CSMD3: variants seen among roughly 807,000 people sequenced by gnomAD.
CSMD3 encodes the protein CUB and Sushi multiple domains 3.
In CSMD3, 177 loss-of-function variants were observed where a neutral mutation model predicts 435.2. The ratio of observed to expected loss-of-function variants is 0.41; its 90% CI spans 0.36 to 0.46. The LOEUF (loss-of-function observed/expected upper bound fraction) is 0.46. CSMD3 is among the 20% of genes least tolerant of loss of function. The pLI is 0.34. For synonymous variants in CSMD3, 1,656 were observed against 1,520.5 expected (o/e 1.09, Z -2.07); for missense variants, 4,265 against 4,504.6 (o/e 0.95, Z 1.52).
At chr8:113,241,112 C>T (rs965476033) in intron 3 of CSMD3, among the ~76,000 whole-genome samples, 1 of 152,038 alleles carries the variant, frequency 6.6e-6, no homozygotes, top group African/African-American at 2.4e-5. Flanking sequence ...CTTTGTATTG[C>T]CTTTCAGGCT....
chr8:113,295,322 T>C (rs1320457966), intron 2 of CSMD3, among the ~76,000 whole-genome samples: 5 of 152,176 alleles, frequency 3.3e-5, no homozygotes, highest in Non-Finnish European at 5.9e-5. Context: ...AGAGGTTTTT[T>C]TTCTGACTCC....
intron 1 of CSMD3, among the ~76,000 whole-genome samples, chr8:113,424,245 T>C (rs2942852): frequency 6.6e-6 from 1 of 151,610 alleles, no homozygotes; most frequent in Admixed American, 6.6e-5. Flanking sequence ...CAAACTCCTA[T>C]GTAGCAAAAT....
intron 32 of CSMD3, among the ~76,000 whole-genome samples, chr8:112,417,434 G>C (rs1031246243): frequency 3.9e-5 from 6 of 152,130 alleles, no homozygotes; most frequent in Admixed American, 6.5e-5. Flanking sequence ...ATAAATGTTA[G>C]TCACCATTAC....
intron 59 of CSMD3, among the ~76,000 whole-genome samples, chr8:112,266,996 A>AT (rs544320329): frequency 6.6e-6 from 1 of 151,656 alleles, no homozygotes; most frequent in Non-Finnish European, 1.5e-5. Flanking sequence ...AATCTGGGTT[A>AT]TTTTTTTTCT....
chr8:112,413,762 T>C (rs1269021409), intron 32 of CSMD3, among the ~76,000 whole-genome samples: 1 of 152,172 alleles, frequency 6.6e-6, no homozygotes, highest in East Asian at 1.9e-4. Context: ...GGTTGAAACG[T>C]TCTACCACTG....
intron 13 of CSMD3, among the ~76,000 whole-genome samples, chr8:112,791,230 G>C (rs573517322): frequency 6.6e-6 from 1 of 150,616 alleles, no homozygotes; most frequent in Non-Finnish European, 1.5e-5. Flanking sequence ...GGCTGAGGTA[G>C]GAGGATTACT....
Position 113,324,583 on chromosome 8 carries a change from G to C in CSMD3, c.179-9790C>G, listed in dbSNP as rs758753911. ...ATGTATGATAACACCTGGCTGCCCA[G>C]CCAGAAGTTTTCTGCATGGGCAGGG... On this transcript the variant is annotated intron_variant, in intron 1 of 70. Transcript: ENST00000297405. 4.5e-4 allele frequency among the ~76,000 whole-genome samples: 68 copies of C among 152,168 alleles called. 1 individual carries two copies. The highest frequency in any genetic ancestry group is 3.9e-4 in the Admixed American group (6 of 15,284).
intron 37 of CSMD3, among the ~76,000 whole-genome samples, chr8:112,382,769 C>T (rs1328105691): frequency 2.0e-5 from 3 of 152,180 alleles, no homozygotes; most frequent in Non-Finnish European, 2.9e-5. Context: ...GCAGGTGGAT[C>T]ACCTGAAGTC....
At position 113,164,659 on chromosome 8, in the gene CSMD3, T is replaced by C. The variant is rs190657178; in HGVS notation, c.709+9063A>G. ...AGGCATCCAAGTTCCAGAATTTAAA[T>C]TCTGTTCTCTATTATTAATGATATG... On this transcript the variant is annotated intron_variant, in intron 4 of 70. Transcript: ENST00000297405. Among the ~76,000 whole-genome samples, 10 of 152,234 alleles carry C rather than the reference T, an allele frequency of 6.6e-5. No homozygotes were observed. The East Asian group carries it at 1.9e-3, about 29-fold the overall frequency.
intron 20 of CSMD3, among the ~76,000 whole-genome samples, chr8:112,641,218 C>A (rs1480395207): frequency 6.6e-6 from 1 of 152,144 alleles, no homozygotes; most frequent in Non-Finnish European, 1.5e-5. Context: ...TAAAAAGAAG[C>A]TGCTGTTCAT....
intron 57 of CSMD3, among the ~76,000 whole-genome samples, chr8:112,289,011 T>C (rs1193877484): frequency 6.6e-6 from 1 of 152,034 alleles, no homozygotes; most frequent in Non-Finnish European, 1.5e-5. Flanking sequence ...CTGGGGAAAA[T>C]TATATGTGGT....
intron 36 of CSMD3, among the ~76,000 whole-genome samples, chr8:112,389,276 G>C (rs1830212943): frequency 6.6e-6 from 1 of 152,144 alleles, no homozygotes; most frequent in Non-Finnish European, 1.5e-5. Context: ...AGATGCTCTT[G>C]AATAACCTTG....
At chr8:112,821,876 A>G (rs944823685) in intron 12 of CSMD3, among the ~76,000 whole-genome samples, 1 of 152,220 alleles carries the variant, frequency 6.6e-6, no homozygotes, top group Non-Finnish European at 1.5e-5. Flanking sequence ...ATGGCTAGCC[A>G]GTTTTCCCAG....
chr8:113,422,988 C>G (rs1352254741), intron 1 of CSMD3, among the ~76,000 whole-genome samples: 8 of 150,950 alleles, frequency 5.3e-5, no homozygotes, highest in Non-Finnish European at 1.2e-4. Context: ...GGGAAGGAAC[C>G]CAAGTCTAAA....
At chr8:112,397,766 A>C (rs1049440143) in intron 35 of CSMD3, among the ~76,000 whole-genome samples, 2 of 152,152 alleles carry the variant, frequency 1.3e-5, no homozygotes, top group Admixed American at 1.3e-4. Context: ...ATGGGTTAGG[A>C]TTCTAACATA....
intron 6 of CSMD3, among the ~76,000 whole-genome samples, chr8:112,986,290 C>T (rs2085251913): frequency 6.6e-6 from 1 of 152,038 alleles, no homozygotes; most frequent in Admixed American, 6.6e-5. Flanking sequence ...GAAACTCTAC[C>T]TTGATATTAA....
At chr8:112,500,774 C>G (rs933486702) in intron 30 of CSMD3, among the ~76,000 whole-genome samples, 18 of 152,154 alleles carry the variant, frequency 1.2e-4, no homozygotes, top group Non-Finnish European at 2.4e-4. Context: ...ACAGTTGTGC[C>G]CATAGGAAAA....
At chr8:113,328,005 T>C (rs1354478721) in intron 1 of CSMD3, among the ~76,000 whole-genome samples, 1 of 151,934 alleles carries the variant, frequency 6.6e-6, no homozygotes, top group African/African-American at 2.4e-5. Flanking sequence ...AGATCCTGCC[T>C]AAAAAATAAG....
intron 6 of CSMD3, among the ~76,000 whole-genome samples, chr8:112,979,893 C>T (rs557354812): frequency 1.3e-5 from 2 of 150,828 alleles, no homozygotes; most frequent in African/African-American, 4.8e-5. Flanking sequence ...TGCTATTTAA[C>T]AAAATATTCC....
Sources: gnomAD v4.1 joint callset for allele counts (sites outside exome capture counted in the v4.1 genomes callset) on GRCh38, gnomAD v4.1.1 for gene constraint, MANE v1.5 for transcripts, NCBI Gene and HGNC (gene_info 2026-07-23, HGNC 2026-07-21) for gene names.